Variants in PRKCD observed in about 807,000 individuals in gnomAD.
PRKCD encodes protein kinase C delta type.
In PRKCD, 20 loss-of-function variants were observed where a neutral mutation model predicts 82.2. The ratio of observed to expected loss-of-function variants is 0.24; its 90% CI spans 0.17 to 0.35. The LOEUF (loss-of-function observed/expected upper bound fraction) is 0.35. Among genes scored for constraint, PRKCD ranks in the 10% least tolerant of loss-of-function variants. PRKCD has a pLI of 1.00. For missense variants in PRKCD, 607 were observed against 899.0 expected (o/e 0.68, Z 4.15); for synonymous variants, 317 against 337.0 (o/e 0.94, Z 0.65).
chr3:53,164,490 C>G (rs1702771286), intron 1 of PRKCD, among the ~76,000 whole-genome samples: 1 of 151,562 alleles, frequency 6.6e-6, no homozygotes, highest in Admixed American at 6.6e-5. Flanking sequence ...GGCTGAGGCA[C>G]GAGAATCACT....
intron 2 of PRKCD, among the ~76,000 whole-genome samples, chr3:53,177,946 C>CTTTTTTTTTTTTTT (rs55779744): frequency 7.4e-6 from 1 of 135,070 alleles, no homozygotes; most frequent in Non-Finnish European, 1.6e-5. Flanking sequence ...TTTTCTTTTT[C>CTTTTTTTTTTTTTT]TTTTTTTTTT....
intron 2 of PRKCD, among the ~76,000 whole-genome samples, chr3:53,175,420 A>G (rs980619474): frequency 6.6e-6 from 1 of 152,052 alleles, no homozygotes; most frequent in Non-Finnish European, 1.5e-5. Context: ...CCCTTATCCT[A>G]CGTGAGTTCT....
At chr3:53,184,303 C>G (rs371158905) in intron 9 of PRKCD, among the ~76,000 whole-genome samples, 169 of 150,042 alleles carry the variant, frequency 1.1e-3, no homozygotes, top group African/African-American at 3.9e-3. Context: ...TCACTGTACT[C>G]CAGCCTGGGT....
Position 53,183,463 on chromosome 3 carries a change from A to T in PRKCD, c.669A>T (p.Glu223Asp). ...ANSRDTIFQK[E>D]RFNIDMPHRF... ...ACCCCCACCTCCAGTTCCAGAAAGAACGCTTCAACATCGACATGCCGCACC... is the reference window on the plus strand; with the variant it reads ...ACCCCCACCTCCAGTTCCAGAAAGATCGCTTCAACATCGACATGCCGCACC... Residue 223 changes from glutamate (E) to aspartate (D), a missense_variant, in exon 9 of 19, where the codon GAA (glutamate) becomes GAT (aspartate). By Grantham distance (45) the Glu-to-Asp change is conservative (BLOSUM62 2). Coordinates refer to ENST00000330452, the MANE Select transcript of PRKCD (RefSeq NM_006254.4). The T allele has an allele frequency of 6.2e-7, 1 of 1,614,134 alleles. No homozygotes were observed. Among genetic ancestry groups the T allele is most frequent in the Non-Finnish European group, 8.5e-7 (1 of 1,180,010 alleles).
rs559458144 is a variant in PRKCD, at chr3:53,162,273, G to C, written c.-132+845G>C. Among the ~76,000 whole-genome samples, 1,003 of 144,712 alleles carry C rather than the reference G, an allele frequency of 6.9e-3. 10 individuals are homozygous for C. Among genetic ancestry groups the C allele is most frequent in the African/African-American group, 0.025 (861 of 34,840 alleles). 94.9% of individuals were successfully genotyped at this position (144,712 alleles called of 152,430 possible). ...CCACCAGATGAGGGGAGGAGGTCGG[G>C]GGGGGGGGTCCTCCTGGCTGGTGGT... On this transcript the variant is annotated intron_variant, in intron 1 of 18. Coordinates refer to ENST00000330452, the MANE Select transcript of PRKCD (RefSeq NM_006254.4).
intron 2 of PRKCD, among the ~76,000 whole-genome samples, chr3:53,171,813 G>T (rs1442110629): frequency 2.0e-5 from 3 of 152,240 alleles, no homozygotes; most frequent in Non-Finnish European, 4.4e-5. Flanking sequence ...TTGAGGTAGA[G>T]AGCAGGACAG....
chr3:53,182,917 C>T (rs1703502482), intron 7 of PRKCD, among the ~76,000 whole-genome samples: 1 of 152,218 alleles, frequency 6.6e-6, no homozygotes, highest in Admixed American at 6.5e-5. Context: ...GGCCTGTCCT[C>T]TCCGCCCCGT....
rs577347273 is a variant in PRKCD, at chr3:53,185,921, G to C, written c.986-6G>C. The C allele has an allele frequency of 6.2e-7, 1 of 1,614,034 alleles. No homozygotes were observed. The highest frequency in any genetic ancestry group is 2.2e-5 in the East Asian group (1 of 44,888). On this transcript the variant is annotated splice_polypyrimidine_tract_variant and splice_region_variant and intron_variant, in intron 11 of 18. Transcript: ENST00000330452. The stretch of plus-strand genomic sequence containing the variant: ...CCGATCTGAGGAGGTGCCATCTCTC[G>C]GGCAGACAACAGTGGGACCTACGGC...
rs376627001 is a variant in PRKCD, at chr3:53,190,012, C to G, written c.1872+11C>G. The G allele has an allele frequency of 4.7e-5, 76 of 1,613,348 alleles. No individual in the cohort carries two copies. Among genetic ancestry groups the G allele is most frequent in the Non-Finnish European group, 5.9e-5 (70 of 1,179,724 alleles). On this transcript the variant is annotated intron_variant, in intron 18 of 18. Transcript: ENST00000330452. ...TTCAGGCCCAAAGTGGTATGTGATC[C>G]TGCCCTGTGCTGCCTTCAGGCTGAG...
At position 53,183,105 on chromosome 3, in the gene PRKCD, C is replaced by G; in HGVS notation, c.572-16C>G. On this transcript the variant is annotated splice_polypyrimidine_tract_variant and intron_variant, in intron 7 of 18. Coordinates refer to ENST00000330452, the MANE Select transcript of PRKCD (RefSeq NM_006254.4). ...GGTGCTTTCCCTTCCCCCTCCTGGG[C>G]CTGTGCCTCTTCAAGAATGTAACGC... 6.2e-7 allele frequency: 1 copy of G among 1,613,812 alleles called. No homozygotes were observed. Among genetic ancestry groups the G allele is most frequent in the South Asian group, 1.1e-5 (1 of 91,082 alleles).
rs74558112 is a variant in PRKCD, at chr3:53,183,146, A to G, written c.597A>G (p.Lys199=). 6.9e-5 allele frequency: 111 copies of G among 1,614,086 alleles called. No homozygotes were observed. Among genetic ancestry groups the G allele is most frequent in the Middle Eastern group, 1.6e-4 (1 of 6,084 alleles). Residue 199 remains lysine, a synonymous_variant, in exon 8 of 19, where the codon AAA becomes AAG. Coordinates refer to ENST00000330452, the MANE Select transcript of PRKCD (RefSeq NM_006254.4). ...AATGTAACGCTGCCATCCACAAGAA[A>G]TGCATCGACAAGATCATCGGCAGAT... ...CRQCNAAIHK[K]CIDKIIGRCT... is the part of the protein sequence containing the mutation.
Position 53,189,943 on chromosome 3 carries a change from C to T in PRKCD, c.1814C>T (p.Thr605Ile). 1 of 1,614,182 alleles carries T rather than the reference C, an allele frequency of 6.2e-7. No homozygotes were observed. Among genetic ancestry groups the T allele is most frequent in the Admixed American group, 1.7e-5 (1 of 60,016 alleles). ...GNIKIHPFFK[T>I]INWTLLEKRR... ...ATCAAAATCCACCCCTTCTTCAAGA[C>T]CATAAACTGGACTCTGCTGGAAAAG... Residue 605 changes from threonine to isoleucine, a missense_variant, in exon 18 of 19, where the codon ACC becomes ATC. By Grantham distance (89) the Thr-to-Ile change is moderately conservative. Around this residue, in one of 5 missense-constraint regions of PRKCD, gnomAD observed 251 missense variants for 423.9 expected, o/e 0.59. Transcript: ENST00000330452.
intron 2 of PRKCD, among the ~76,000 whole-genome samples, chr3:53,175,603 C>G (rs1310110188): frequency 1.3e-5 from 2 of 152,144 alleles, no homozygotes; most frequent in Non-Finnish European, 2.9e-5. Context: ...TGCCCTGAGC[C>G]TCTCTCCCCT....
At chr3:53,178,094 C>T (rs1703278929) in intron 2 of PRKCD, among the ~76,000 whole-genome samples, 1 of 151,988 alleles carries the variant, frequency 6.6e-6, no homozygotes. Flanking sequence ...TACAGGCATG[C>T]ACCACCACAC....
chr3:53,181,408 A>G, intron 5 of PRKCD, 36 bp from the exon 6 acceptor site: 1 of 1,613,658 alleles, frequency 6.2e-7, no homozygotes, highest in Admixed American at 1.7e-5. Context: ...CCCCTTCCAG[A>G]TACCAGGGCT....
At chr3:53,178,709 G>A (rs886548182) in intron 3 of PRKCD, among the ~76,000 whole-genome samples, 172 bp downstream of exon 3, 26 of 152,266 alleles carry the variant, frequency 1.7e-4, no homozygotes, top group African/African-American at 6.3e-4. Context: ...TCGCTATAGG[G>A]CTGCAAACAC....
chr3:53,185,425 C>T (rs371467194), intron 10 of PRKCD, among the ~76,000 whole-genome samples, 179 bp from the exon 11 acceptor site: 33 of 152,342 alleles, frequency 2.2e-4, no homozygotes, highest in African/African-American at 7.2e-4. Flanking sequence ...ACCAAGGCTT[C>T]TCTGGGCTCC....
At position 53,188,782 on chromosome 3, in the gene PRKCD, G is replaced by A; in HGVS notation, c.1478G>A (p.Gly493Glu). 6.2e-7 allele frequency: 1 copy of A among 1,614,208 alleles called. No homozygotes were observed. The highest frequency in any genetic ancestry group is 1.1e-5 in the South Asian group (1 of 91,078). Residue 493 changes from glycine (G) to glutamate (E), a missense_variant, in exon 16 of 19, where the codon GGG becomes GAG. Transcript: ENST00000330452. ...RDGHIKIADFGMCKENIFGES... is the reference protein window; with the variant it reads ...RDGHIKIADFEMCKENIFGES... ...GGCCACATCAAGATTGCCGACTTTG[G>A]GATGTGCAAAGAGAACATATTCGGG...
intron 1 of PRKCD, among the ~76,000 whole-genome samples, chr3:53,163,136 G>A (rs560964308): frequency 6.4e-4 from 97 of 152,082 alleles, no homozygotes; most frequent in Non-Finnish European, 1.2e-3. Flanking sequence ...AGCTGTACCT[G>A]GCTGATGGGT....
Sources: allele counts gnomAD v4.1 joint callset (sites outside exome capture counted in the v4.1 genomes callset), GRCh38; gene constraint gnomAD v4.1.1; regional missense constraint gnomAD v4.1.1; transcripts MANE v1.5; gene names NCBI Gene and HGNC (gene_info 2026-07-23, HGNC 2026-07-21).